UTRN: variants seen among roughly 807,000 people sequenced by gnomAD.
UTRN encodes the protein utrophin.
UTRN carries 283 observed loss-of-function variants against 463.9 expected under a neutral mutation model. That is an observed-to-expected ratio of 0.61 (90% confidence interval 0.55 to 0.67). The LOEUF is 0.67. Among genes scored for constraint, UTRN ranks in the 30% least tolerant of loss-of-function variants. The probability of loss-of-function intolerance (pLI) is 0.00; values close to 1 mark genes in which losing one functional copy is unlikely to be tolerated. For synonymous variants in UTRN, 1,442 were observed against 1,431.5 expected, an observed-to-expected ratio of 1.01 and a Z score of -0.17; for missense variants, 3,922 against 4,084.3, an observed-to-expected ratio of 0.96 and a Z score of 1.08.
At chr6:144,623,342 A>C (rs1775620954) in intron 51 of UTRN, among the ~76,000 whole-genome samples, 1 of 152,278 alleles carries the variant, frequency 6.6e-6, no homozygotes, top group Non-Finnish European at 1.5e-5. Flanking sequence ...GATATAAAAT[A>C]CACCTTTAAT....
At chr6:144,387,392 G>C (rs1207459399) in intron 2 of UTRN, among the ~76,000 whole-genome samples, 2 of 152,054 alleles carry the variant, frequency 1.3e-5, no homozygotes, top group East Asian at 1.9e-4. Context: ...TCCTGCCTTG[G>C]CCTCCCAAAG....
At chr6:144,734,024 T>G (rs1789075895) in intron 54 of UTRN, among the ~76,000 whole-genome samples, 1 of 152,172 alleles carries the variant, frequency 6.6e-6, no homozygotes, top group Non-Finnish European at 1.5e-5. Context: ...ATAAGAGGTA[T>G]AAAGAAATTC....
chr6:144,431,331 AC>A (rs945642255), intron 9 of UTRN, among the ~76,000 whole-genome samples: 16 of 152,306 alleles, frequency 1.1e-4, no homozygotes, highest in African/African-American at 3.8e-4. Context: ...ACTTCAGAAA[AC>A]ATTTGCTATT....
At chr6:144,546,290 T>C (rs1798398879) in intron 46 of UTRN, among the ~76,000 whole-genome samples, 2 of 152,142 alleles carry the variant, frequency 1.3e-5, no homozygotes, top group Admixed American at 1.3e-4. Flanking sequence ...TGGGTTCTTA[T>C]TGTTCTACAG....
At position 144,423,558 on chromosome 6, in the gene UTRN, C is replaced by T. The variant is rs542032211; in HGVS notation, c.244C>T (p.Arg82Cys). The change falls in exon 5 of 75, where the codon CGT becomes TGT. Residue 82 changes from arginine to cysteine, a missense_variant. Around this residue, in one of 3 missense-constraint regions of UTRN, gnomAD observed 264 missense variants for 327.9 expected, o/e 0.81. Coordinates refer to ENST00000367545, the MANE Select transcript of UTRN (RefSeq NM_007124.3). ...GLTGTSLPKE[R>C]GSTRVHALNN... The stretch of plus-strand genomic sequence containing the variant: ...TTGTTTTATTTTCCAGCCAAAGGAA[C>T]GTGGTTCCACAAGGGTACATGCCTT... 6 of 1,614,194 alleles carry T rather than the reference C, an allele frequency of 3.7e-6. No individual in the cohort carries two copies. Among genetic ancestry groups the T allele is most frequent in the South Asian group, 2.2e-5 (2 of 91,084 alleles).
At chr6:144,562,602 C>T (rs1002775441) in intron 50 of UTRN, among the ~76,000 whole-genome samples, 4 of 152,130 alleles carry the variant, frequency 2.6e-5, no homozygotes, top group African/African-American at 9.7e-5. Flanking sequence ...TCCAGTCCAT[C>T]ATTGATAGGT....
chr6:144,779,501 A>G (rs1196274869), intron 60 of UTRN, among the ~76,000 whole-genome samples: 1 of 152,210 alleles, frequency 6.6e-6, no homozygotes, highest in Non-Finnish European at 1.5e-5. Flanking sequence ...AAGACAAAAT[A>G]TATTTAATAT....
At chr6:144,823,598 T>C (rs537847119) in intron 66 of UTRN, among the ~76,000 whole-genome samples, 2 of 152,158 alleles carry the variant, frequency 1.3e-5, no homozygotes, top group Non-Finnish European at 2.9e-5. Context: ...AGGGGATTTA[T>C]GGGGAAAATG....
intron 53 of UTRN, among the ~76,000 whole-genome samples, chr6:144,706,211 A>ATATTTCAGG (rs1217984274): frequency 2.8e-5 from 4 of 140,458 alleles, no homozygotes; most frequent in Admixed American, 1.5e-4. Flanking sequence ...AGATTGCTCT[A>ATATTTCAGG]TATTTCAGGG....
intron 55 of UTRN, 104 bp downstream of exon 55, chr6:144,748,618 A>G: frequency 7.0e-7 from 1 of 1,428,872 alleles, no homozygotes; most frequent in Non-Finnish European, 9.2e-7. Flanking sequence ...GGATTGTTAC[A>G]AAGCCAACGC....
intron 2 of UTRN, among the ~76,000 whole-genome samples, chr6:144,319,931 G>A (rs1420357690): frequency 2.0e-5 from 3 of 151,168 alleles, no homozygotes; most frequent in Non-Finnish European, 4.4e-5. Flanking sequence ...TTGGCTCACC[G>A]CAATGTCCGC....
intron 2 of UTRN, among the ~76,000 whole-genome samples, chr6:144,401,853 G>A (rs1170410056): frequency 1.3e-5 from 2 of 152,138 alleles, no homozygotes; most frequent in Non-Finnish European, 2.9e-5. Flanking sequence ...ACTGACACTG[G>A]AGGGCCAAGC....
At chr6:144,794,660 C>T (rs1777058531) in intron 63 of UTRN, among the ~76,000 whole-genome samples, 1 of 152,120 alleles carries the variant, frequency 6.6e-6, no homozygotes, top group African/African-American at 2.4e-5. Flanking sequence ...TGTATCCTGT[C>T]TTAGTTCATT....
intron 57 of UTRN, among the ~76,000 whole-genome samples, chr6:144,756,569 T>G (rs1224439316): frequency 6.6e-6 from 1 of 152,162 alleles, no homozygotes; most frequent in African/African-American, 2.4e-5. Context: ...TTATATTTCT[T>G]GGACTTCAGC....
intron 21 of UTRN, 128 bp from the exon 22 acceptor site, chr6:144,461,069 A>G (rs2128561211): frequency 1.5e-6 from 1 of 671,374 alleles, no homozygotes; most frequent in Middle Eastern, 4.6e-4. Context: ...TAATTAACAG[A>G]GACCCTTTTA....
intron 54 of UTRN, among the ~76,000 whole-genome samples, chr6:144,733,781 A>G (rs1431799309): frequency 1.3e-5 from 2 of 152,240 alleles, no homozygotes; most frequent in South Asian, 4.1e-4. Context: ...TTCACTTAAC[A>G]GATGAGAAAA....
At chr6:144,603,659 A>T (rs1804509093) in intron 51 of UTRN, among the ~76,000 whole-genome samples, 1 of 152,176 alleles carries the variant, frequency 6.6e-6, no homozygotes, top group African/African-American at 2.4e-5. Context: ...TTTTTCCCTA[A>T]GTATTTGAGA....
intron 1 of UTRN, among the ~76,000 whole-genome samples, chr6:144,287,219 C>G (rs1584129462): frequency 6.6e-6 from 1 of 152,154 alleles, no homozygotes; most frequent in African/African-American, 2.4e-5. Flanking sequence ...ACAGGGTTGG[C>G]GTGGAACCAT....
At chr6:144,557,770 A>C (rs1024714333) in intron 50 of UTRN, among the ~76,000 whole-genome samples, 1 of 152,096 alleles carries the variant, frequency 6.6e-6, no homozygotes, top group Admixed American at 6.6e-5. Context: ...GAAATAATCT[A>C]TGTGCATTTA....
Sources: gnomAD v4.1 joint callset for allele counts (sites outside exome capture counted in the v4.1 genomes callset) on GRCh38, gnomAD v4.1.1 for gene constraint, gnomAD v4.1.1 regional missense constraint, MANE v1.5 for transcripts, NCBI Gene and HGNC (gene_info 2026-07-23, HGNC 2026-07-21) for gene names.